Variants in AUTS2 observed in about 807,000 individuals in gnomAD.
AUTS2 encodes the protein activator of transcription and developmental regulator AUTS2, also known as autism susceptibility gene 2 protein.
In AUTS2, 17 loss-of-function variants were observed where a neutral mutation model predicts 112.4. That is an observed-to-expected ratio of 0.15 (90% CI 0.10 to 0.23). The LOEUF (loss-of-function observed/expected upper bound fraction) is 0.23. AUTS2 is among the 10% of genes least tolerant of loss of function. The pLI is 1.00. For missense variants in AUTS2, 1,510 were observed against 1,701.6 expected (o/e 0.89, Z 1.98); for synonymous variants, 751 against 702.7 (o/e 1.07, Z -1.09).
At chr7:70,480,204 G>A (rs115489951) in intron 5 of AUTS2, among the ~76,000 whole-genome samples, 1,828 of 152,330 alleles carry the variant, frequency 0.012, 29 homozygotes, top group African/African-American at 0.042. Context: ...TATGTCCAGT[G>A]TATGTGTACG....
At chr7:70,125,362 C>G (rs1432952981) in intron 3 of AUTS2, among the ~76,000 whole-genome samples, 3 of 152,004 alleles carry the variant, frequency 2.0e-5, no homozygotes, top group African/African-American at 7.2e-5. Flanking sequence ...TTCCCCCATT[C>G]TGACTGAGTA....
chr7:69,973,405 T>G (rs1797934720), intron 2 of AUTS2, among the ~76,000 whole-genome samples: 1 of 152,220 alleles, frequency 6.6e-6, no homozygotes, highest in Non-Finnish European at 1.5e-5. Flanking sequence ...CTATCTGATA[T>G]CTATGCTTTT....
intron 5 of AUTS2, among the ~76,000 whole-genome samples, chr7:70,500,621 C>G (rs945889170): frequency 6.6e-6 from 1 of 152,198 alleles, no homozygotes. Context: ...TTCTACCACG[C>G]CTTTCATTTC....
chr7:70,608,469 A>G (rs1803899934), intron 5 of AUTS2, among the ~76,000 whole-genome samples: 1 of 152,204 alleles, frequency 6.6e-6, no homozygotes, highest in South Asian at 2.1e-4. Flanking sequence ...AGGTTTTTAA[A>G]TGCCTCTGCC....
intron 6 of AUTS2, among the ~76,000 whole-genome samples, chr7:70,739,400 A>C (rs1219333671): frequency 1.4e-5 from 2 of 145,720 alleles, no homozygotes; most frequent in African/African-American, 5.1e-5. Flanking sequence ...GGCCCCTCTC[A>C]AACTCCTGGC....
intron 4 of AUTS2, among the ~76,000 whole-genome samples, chr7:70,144,623 G>A (rs1269038894): frequency 6.6e-6 from 1 of 151,956 alleles, no homozygotes; most frequent in Admixed American, 6.6e-5. Flanking sequence ...GTTTTACATA[G>A]GTCCAGAGTT....
At chr7:69,934,432 G>T (rs991280224) in intron 2 of AUTS2, among the ~76,000 whole-genome samples, 1 of 152,172 alleles carries the variant, frequency 6.6e-6, no homozygotes, top group Non-Finnish European at 1.5e-5. Context: ...AAGTGTATTG[G>T]TTTTGGTAGC....
chr7:70,600,030 G>A (rs965410034), intron 5 of AUTS2, among the ~76,000 whole-genome samples: 1 of 152,160 alleles, frequency 6.6e-6, no homozygotes, highest in Non-Finnish European at 1.5e-5. Flanking sequence ...ACATTCCTGA[G>A]CCCCACCCAC....
chr7:69,939,804 A>AT (rs1291443021), intron 2 of AUTS2, among the ~76,000 whole-genome samples: 4 of 152,148 alleles, frequency 2.6e-5, no homozygotes, highest in Non-Finnish European at 5.9e-5. Flanking sequence ...GATGATTGGC[A>AT]TTTTTTACAG....
chr7:69,966,965 G>A (rs145760430), intron 2 of AUTS2, among the ~76,000 whole-genome samples: 25 of 152,290 alleles, frequency 1.6e-4, no homozygotes, highest in Non-Finnish European at 2.9e-4. Context: ...GCAAGACCAC[G>A]TAAGGGGGAA....
intron 1 of AUTS2, among the ~76,000 whole-genome samples, chr7:69,820,258 G>C (rs966002376): frequency 6.6e-6 from 1 of 152,212 alleles, no homozygotes; most frequent in African/African-American, 2.4e-5. Flanking sequence ...TCTCTGCCCA[G>C]CTTTGTGAAA....
At chr7:70,646,148 C>A (rs2129541226) in intron 5 of AUTS2, among the ~76,000 whole-genome samples, 1 of 152,322 alleles carries the variant, frequency 6.6e-6, no homozygotes, top group African/African-American at 2.4e-5. Context: ...ACCTGACTTG[C>A]CAGAGCCACA....
chr7:70,066,199 C>T (rs1773240186), intron 2 of AUTS2, among the ~76,000 whole-genome samples: 1 of 152,056 alleles, frequency 6.6e-6, no homozygotes, highest in Non-Finnish European at 1.5e-5. Context: ...TTTTTATTTT[C>T]AAAGCACATT....
rs35577599 is a variant in AUTS2, at chr7:70,696,674, AACACAC to A, written c.691-1878_691-1873del. 9.3e-5 allele frequency among the ~76,000 whole-genome samples: 14 copies of A among 150,260 alleles called. 1 individual carries two copies. The highest frequency in any genetic ancestry group is 8.5e-4 in the South Asian group (4 of 4,724). ...CCACAGCTTCTGTCCTTTTCACTCG[AACACAC>A]ACACACACACACACACTAAGTGCAA... On this transcript the variant is annotated intron_variant, in intron 5 of 18. Transcript: ENST00000342771.
At chr7:69,633,888 T>TTG (rs1794392387) in intron 1 of AUTS2, among the ~76,000 whole-genome samples, 1 of 152,148 alleles carries the variant, frequency 6.6e-6, no homozygotes, top group African/African-American at 2.4e-5. Flanking sequence ...GTCTTCCAAT[T>TTG]TGTAGGCTGC....
intron 4 of AUTS2, among the ~76,000 whole-genome samples, chr7:70,435,439 C>G (rs1046971166): frequency 1.3e-5 from 2 of 152,214 alleles, no homozygotes; most frequent in Admixed American, 1.3e-4. Flanking sequence ...CGCCTCTACC[C>G]TGCCATGGTG....
chr7:69,622,417 T>C (rs1353648757), intron 1 of AUTS2, among the ~76,000 whole-genome samples: 1 of 152,242 alleles, frequency 6.6e-6, no homozygotes, highest in Admixed American at 6.5e-5. Flanking sequence ...AGAGCCCTAA[T>C]GTGAATGTAA....
At chr7:70,242,468 G>T (rs1272488848) in intron 4 of AUTS2, among the ~76,000 whole-genome samples, 1 of 151,984 alleles carries the variant, frequency 6.6e-6, no homozygotes, top group Non-Finnish European at 1.5e-5. Flanking sequence ...CTACTTTTGG[G>T]TGTTATACAA....
rs115437457 is a variant in AUTS2 at position 70,657,616 on chromosome 7, T to A, written c.691-40953T>A. Among the ~76,000 whole-genome samples, 624 of 152,336 alleles carry A rather than the reference T, an allele frequency of 4.1e-3. 7 individuals are homozygous for A. The highest frequency in any genetic ancestry group is 0.014 in the African/African-American group (584 of 41,578). ...AGCCCAGGCCACTTGTGGAGCCATC[T>A]CTGGAATATTACTGAGCATCTAATT... On this transcript the variant is annotated intron_variant, in intron 5 of 18. Transcript: ENST00000342771.
Sources: gnomAD v4.1 joint callset for allele counts (sites outside exome capture counted in the v4.1 genomes callset) on GRCh38, gnomAD v4.1.1 for gene constraint, MANE v1.5 for transcripts, NCBI Gene and HGNC (gene_info 2026-07-23, HGNC 2026-07-21) for gene names.